Variants in RPH3AL observed in about 807,000 individuals in gnomAD.
RPH3AL encodes rab effector Noc2.
In RPH3AL, 38 loss-of-function variants were observed where a neutral mutation model predicts 43.1. That is an observed-to-expected ratio of 0.88 (90% CI 0.68 to 1.15). The LOEUF (loss-of-function observed/expected upper bound fraction) is 1.15, where lower values mean the gene tolerates loss of function less well. Among genes scored for constraint, RPH3AL ranks in the 50% most tolerant of loss-of-function variants. The pLI is 0.00. For synonymous variants in RPH3AL, 189 were observed against 176.3 expected, an observed-to-expected ratio of 1.07 and a Z score of -0.57; for missense variants, 462 against 423.2, an observed-to-expected ratio of 1.09 and a Z score of -0.81.
intron 5 of RPH3AL, among the ~76,000 whole-genome samples, chr17:316,558 T>C (rs1269026582): frequency 3.4e-5 from 4 of 118,942 alleles, no homozygotes; most frequent in Admixed American, 8.9e-5. Flanking sequence ...CACTGACATG[T>C]AGTCCCTGTG....
chr17:335,822 G>C (rs1398905768), intron 1 of RPH3AL: 2 of 152,254 alleles, frequency 1.3e-5, no homozygotes, highest in Non-Finnish European at 2.9e-5. Flanking sequence ...TGCAGGGCTG[G>C]AAGAGAGGCT....
At chr17:213,987 C>T (rs563811112) in intron 9 of RPH3AL, 64 bp from the exon 10 acceptor site, 10 of 1,276,318 alleles carry the variant, frequency 7.8e-6, no homozygotes, top group South Asian at 5.2e-5. Flanking sequence ...TCCCCGGTGA[C>T]AGCTCGGCCT....
intron 3 of RPH3AL, among the ~76,000 whole-genome samples, chr17:325,887 G>A (rs1411369927): frequency 1.3e-5 from 2 of 152,208 alleles, no homozygotes; most frequent in South Asian, 2.1e-4. Flanking sequence ...AGTTTAGTAC[G>A]CCTCTCCTTT....
chr17:305,347 C>A (rs572260577), intron 5 of RPH3AL, among the ~76,000 whole-genome samples: 2 of 152,120 alleles, frequency 1.3e-5, no homozygotes, highest in South Asian at 4.1e-4. Flanking sequence ...ACTGCGGAGG[C>A]CCCACAGGGA....
At chr17:293,424 G>A (rs1438874914) in intron 5 of RPH3AL, among the ~76,000 whole-genome samples, 2 of 148,916 alleles carry the variant, frequency 1.3e-5, no homozygotes, top group Non-Finnish European at 3.0e-5. Flanking sequence ...CAGTCTCAGG[G>A]AAATCGGGGT....
Position 336,232 on chromosome 17 carries a change from G to A in RPH3AL, c.-212-2298C>T, listed in dbSNP as rs543174013. 1.1e-4 allele frequency among the ~76,000 whole-genome samples: 16 copies of A among 152,310 alleles called. No individual in the cohort carries two copies. In the South Asian group the frequency reaches 3.3e-3, roughly 32 times the overall value. ...CTATGACACGGGAAACACGAGGAGG[G>A]CAGCAAGATAAGGTGAGCCCAGACG... On this transcript the variant is annotated intron_variant, in intron 1 of 9. Coordinates refer to ENST00000331302, the MANE Select transcript of RPH3AL (RefSeq NM_006987.4).
Position 332,961 on chromosome 17 carries a change from G to A in RPH3AL, c.-37+798C>T, listed in dbSNP as rs117609558. On this transcript the variant is annotated intron_variant, in intron 2 of 9. Coordinates refer to ENST00000331302, the MANE Select transcript of RPH3AL (RefSeq NM_006987.4). ...TACAGGGAACGGAACAGGAGTTGCC[G>A]GTGATAATTTCCCGAAAAATTCCTA... 292 of 1,225,446 alleles carry A rather than the reference G, an allele frequency of 2.4e-4. 1 individual carries two copies. In the East Asian group the frequency reaches 0.011, roughly 47 times the overall value. The allele number at this position is 1,225,446 out of a possible 1,614,324, so 75.9% of individuals were successfully genotyped here.
rs112452410 is a variant in RPH3AL at position 264,838 on chromosome 17, T to C, written c.438+16930A>G. Among the ~76,000 whole-genome samples, 1 of 152,152 alleles carries C rather than the reference T, an allele frequency of 6.6e-6. No individual in the cohort carries two copies. On this transcript the variant is annotated intron_variant, in intron 6 of 9. Transcript: ENST00000331302. The surrounding 1 kb of genome is among the most constrained non-coding windows in gnomAD (Gnocchi z 4.8). ...TGAAGTGAAATAAACATCTCAAGAA[T>C]GGGGAACTCGTGGTACCTGAAAATT...
intron 1 of RPH3AL, among the ~76,000 whole-genome samples, chr17:340,590 A>G (rs1281245294): frequency 1.3e-3 from 1 of 764 alleles, no homozygotes; most frequent in African/African-American, 5.3e-3. Flanking sequence ...ACTGCCCCCC[A>G]CCCAGGCCTC....
chr17:222,724 G>A (rs1251614563), intron 7 of RPH3AL, among the ~76,000 whole-genome samples: 2 of 152,170 alleles, frequency 1.3e-5, no homozygotes, highest in Non-Finnish European at 2.9e-5. Context: ...CACCCGTATT[G>A]CATTGTCTGT....
chr17:247,377 G>C (rs1490816793), intron 6 of RPH3AL, 92 bp from the exon 7 acceptor site: 6 of 1,318,330 alleles, frequency 4.6e-6, no homozygotes, highest in Non-Finnish European at 6.1e-6. Context: ...AGGACGCGGA[G>C]AGCTAGGAGC....
intron 1 of RPH3AL, among the ~76,000 whole-genome samples, chr17:345,745 C>A (rs1221897051): frequency 1.6e-5 from 2 of 125,144 alleles, no homozygotes; most frequent in Non-Finnish European, 3.7e-5. Flanking sequence ...ACGCGTGCTC[C>A]CCATCTGCGT....
chr17:292,927 G>A (rs961688293), intron 5 of RPH3AL, among the ~76,000 whole-genome samples: 34 of 152,204 alleles, frequency 2.2e-4, no homozygotes, highest in Admixed American at 1.8e-3. Context: ...ACCTGCTGCC[G>A]GGTCTGAGAC....
At chr17:316,926 T>G (rs1294969813) in intron 5 of RPH3AL, among the ~76,000 whole-genome samples, 1 of 34,108 alleles carries the variant, frequency 2.9e-5, no homozygotes, top group African/African-American at 1.1e-4. Context: ...ACCTGTAGTC[T>G]CTGTGCTCCA....
At chr17:317,350 C>G (rs533862915) in intron 5 of RPH3AL, among the ~76,000 whole-genome samples, 17 of 151,834 alleles carry the variant, frequency 1.1e-4, no homozygotes, top group African/African-American at 3.6e-4. Context: ...CCTGAAGTCC[C>G]TGTGCCCCCA....
At chr17:240,419 C>G (rs2041501893) in intron 7 of RPH3AL, among the ~76,000 whole-genome samples, 1 of 152,134 alleles carries the variant, frequency 6.6e-6, no homozygotes, top group Non-Finnish European at 1.5e-5. Context: ...TGCATCAGCT[C>G]TGTGTACCCA....
Position 315,012 on chromosome 17 carries a change from G to GA in RPH3AL, c.351+4407_351+4408insT, listed in dbSNP as rs1347988628. Among the ~76,000 whole-genome samples, 25 of 37,464 alleles carry GA rather than the reference G, an allele frequency of 6.7e-4. 3 individuals carry two copies. Among genetic ancestry groups the GA allele is most frequent in the Admixed American group, 1.5e-3 (5 of 3,420 alleles). The allele number at this position is 37,464 out of a possible 152,430, so 24.6% of individuals were successfully genotyped here. A position where few individuals can be genotyped will look rare whatever the true frequency, so the allele number is the denominator to read the frequency against. The stretch of plus-strand genomic sequence containing the variant: ...ACCTCCATTGACCTGTAGTCTCTGT[G>GA]CTCCACCTCCATTGACCTGTAGTCC... On this transcript the variant is annotated intron_variant, in intron 5 of 9. Transcript: ENST00000331302.
intron 5 of RPH3AL, among the ~76,000 whole-genome samples, chr17:301,122 C>T (rs2043318181): frequency 6.6e-6 from 1 of 152,266 alleles, no homozygotes; most frequent in Non-Finnish European, 1.5e-5. Flanking sequence ...TGCTACCTCT[C>T]ACTCTGGATG....
chr17:285,820 G>A (rs577379887), intron 5 of RPH3AL, among the ~76,000 whole-genome samples: 11 of 152,178 alleles, frequency 7.2e-5, no homozygotes, highest in African/African-American at 2.2e-4. Flanking sequence ...CAATCAACCC[G>A]ACTGATGCAC....
Sources: allele counts gnomAD v4.1 joint callset (sites outside exome capture counted in the v4.1 genomes callset), GRCh38; gene constraint gnomAD v4.1.1; non-coding constraint Gnocchi (gnomAD v3.1); transcripts MANE v1.5; gene names NCBI Gene and HGNC (gene_info 2026-07-23, HGNC 2026-07-21).